Variants in MAP7D3 observed in about 807,000 individuals in gnomAD.
MAP7D3 encodes the protein MAP7 domain containing 3, also known as MAP7 domain-containing protein 3.
A neutral mutation model predicts 62.2 loss-of-function variants in MAP7D3; 45 were observed. That is an observed-to-expected ratio of 0.72 (90% CI 0.57 to 0.93). MAP7D3 has a LOEUF of 0.93. Ranked by LOEUF, MAP7D3 falls within the 40% of genes least tolerant of loss-of-function variation. The pLI is 0.00. For synonymous variants in MAP7D3, 288 were observed against 248.8 expected, an observed-to-expected ratio of 1.16 and a Z score of -1.48; for missense variants, 711 against 683.1, an observed-to-expected ratio of 1.04 and a Z score of -0.45.
chrX:136,228,855 T>C, intron 10 of MAP7D3, 97 bp from the exon 11 acceptor site: 1 of 684,445 alleles, frequency 1.5e-6, no homozygotes, highest in Non-Finnish European at 2.0e-6. Flanking sequence ...AATATATATA[T>C]ATGTGCGTAG....
chrX:136,253,229 G>A (rs991300854), upstream of MAP7D3, among the ~76,000 whole-genome samples: 7 of 112,145 alleles, frequency 6.2e-5, no homozygotes, highest in Non-Finnish European at 1.3e-4. Flanking sequence ...TTATTAATAC[G>A]ACACACATAT....
At chrX:136,240,648 C>CG (rs2074379825) in intron 5 of MAP7D3, among the ~76,000 whole-genome samples, 162 bp from the exon 6 acceptor site, 1 of 111,094 alleles carries the variant, frequency 9.0e-6, no homozygotes, top group African/African-American at 3.3e-5. Flanking sequence ...TTAGTAGAGA[C>CG]GGGGCTTCAC....
upstream of MAP7D3, among the ~76,000 whole-genome samples, chrX:136,254,750 GT>G (rs1233734663): frequency 9.0e-6 from 1 of 111,721 alleles, no homozygotes; most frequent in African/African-American, 3.3e-5. Flanking sequence ...GAGTAACCAC[GT>G]CTTAATTCCA....
chrX:136,214,579 T>C (rs1001793394), downstream of MAP7D3: 1 of 111,752 alleles, frequency 8.9e-6, no homozygotes, highest in Non-Finnish European at 1.9e-5. Context: ...GGAACAGGGA[T>C]CAGAGAAGAG....
Position 136,219,415 on chromosome X carries a change from G to A in MAP7D3, c.*15C>T, listed in dbSNP as rs201927581. On this transcript the variant is annotated 3_prime_UTR_variant, in exon 18 of 19. Transcript: ENST00000316077. ...GGACTTACCCAAATGAGGAGAAACA[G>A]GTTTGCTTCTTCTCTTATTGTCTAA... 5.0e-5 allele frequency: 58 copies of A among 1,164,433 alleles called. No individual in the cohort carries two copies. The highest frequency in any genetic ancestry group is 6.6e-5 in the Non-Finnish European group (57 of 857,914).
At chrX:136,243,218 G>C (rs1190633010) in intron 4 of MAP7D3, among the ~76,000 whole-genome samples, 3 of 111,456 alleles carry the variant, frequency 2.7e-5, no homozygotes, top group African/African-American at 9.8e-5. Flanking sequence ...AAATATTAGA[G>C]TGACAGAAAA....
intron 4 of MAP7D3, among the ~76,000 whole-genome samples, chrX:136,242,753 A>C (rs2074403384): frequency 1.8e-5 from 2 of 111,441 alleles, no homozygotes; most frequent in Admixed American, 9.6e-5. Context: ...CACTCACTCT[A>C]CACACAGTTT....
At chrX:136,230,222 G>C (rs767964735) in intron 10 of MAP7D3, among the ~76,000 whole-genome samples, 163 bp downstream of exon 10, 80 of 109,735 alleles carry the variant, frequency 7.3e-4, no homozygotes, top group African/African-American at 2.6e-3. Flanking sequence ...AAACAGAGAA[G>C]ATACATTCCA....
chrX:136,251,456 G>A (rs1347665864), upstream of MAP7D3: 8 of 740,855 alleles, frequency 1.1e-5, no homozygotes, highest in Non-Finnish European at 1.3e-5. Context: ...CGGTGGGCGG[G>A]GCGGGGCGGG....
chrX:136,221,065 C>T (rs1489017618), intron 15 of MAP7D3, 102 bp from the exon 16 acceptor site: 1 of 604,953 alleles, frequency 1.7e-6, no homozygotes, highest in Admixed American at 2.7e-5. Context: ...GTACTGCCTG[C>T]CTGAAGGCAG....
chrX:136,228,492 G>T, intron 11 of MAP7D3, 131 bp downstream of exon 11: 1 of 610,522 alleles, frequency 1.6e-6, no homozygotes, highest in Non-Finnish European at 2.5e-6. Flanking sequence ...AGGCAATGAG[G>T]CACTTCTGAT....
At chrX:136,253,922 C>G (rs1054360058), upstream of MAP7D3, among the ~76,000 whole-genome samples, 1 of 109,128 alleles carries the variant, frequency 9.2e-6, no homozygotes, top group East Asian at 3.0e-4. Context: ...GCAAGAGAAT[C>G]GCTTGAACCC....
chrX:136,243,781 G>A (rs989531558), intron 4 of MAP7D3, among the ~76,000 whole-genome samples: 3 of 111,042 alleles, frequency 2.7e-5, no homozygotes, highest in Non-Finnish European at 3.8e-5. Flanking sequence ...CAGCGACCAC[G>A]CTAGATTCAG....
Position 136,240,442 on chromosome X carries a change from A to G in MAP7D3, c.580T>C (p.Ser194Pro), listed in dbSNP as rs1224088547. 1 of 1,205,354 alleles carries G rather than the reference A, an allele frequency of 8.3e-7. No homozygotes were observed. The highest frequency in any genetic ancestry group is 1.1e-6 in the Non-Finnish European group (1 of 891,187). ...ASTEKLEQGT[S>P]ALIRQMPLSS... ...AAAGGCATTTGTCTGATTAAAGCAG[A>G]AGTACCCTGTTCAAGTTTTTCAGTA... Residue 194 changes from serine to proline, a missense_variant, in exon 6 of 19, where the codon TCT (serine) becomes CCT (proline). Coordinates refer to ENST00000316077, the MANE Select transcript of MAP7D3 (RefSeq NM_024597.4).
chrX:136,230,683 A>T, intron 9 of MAP7D3, 90 bp from the exon 10 acceptor site: 1 of 885,186 alleles, frequency 1.1e-6, no homozygotes, highest in Non-Finnish European at 1.6e-6. Flanking sequence ...CATTATAATC[A>T]GGGAATTTTT....
intron 1 of MAP7D3, among the ~76,000 whole-genome samples, chrX:136,248,272 G>A (rs1281587577): frequency 5.4e-5 from 6 of 112,090 alleles, no homozygotes; most frequent in South Asian, 3.7e-4. Context: ...ATAATGAACC[G>A]AATCATATAA....
At chrX:136,256,240 C>G, upstream of MAP7D3, 1 of 1,151,509 alleles carries the variant, frequency 8.7e-7, no homozygotes, top group Non-Finnish European at 1.1e-6. Flanking sequence ...CTTGCCAAAT[C>G]TACTCACATT....
In MAP7D3 at chrX:136,221,500, T is replaced by A. The variant is rs772224333; in HGVS notation, c.2288-537A>T. 1.2e-3 allele frequency among the ~76,000 whole-genome samples: 136 copies of A among 111,408 alleles called. 1 individual carries two copies. The highest frequency in any genetic ancestry group is 4.0e-3 in the African/African-American group (121 of 30,632). Reference sequence around the variant, plus strand: ...GCCACCACGCCTGGCTAATTTTTTGTATTTTTAGTAGAGACGGGGTTTCAC... The same window carrying A: ...GCCACCACGCCTGGCTAATTTTTTGAATTTTTAGTAGAGACGGGGTTTCAC... On this transcript the variant is annotated intron_variant, in intron 15 of 18. Transcript: ENST00000316077.
chrX:136,251,072 G>C lies in MAP7D3; in HGVS notation c.70+217C>G, dbSNP rs769209299. ...CGACCGTTGGCGGCGGGACTCAGGC[G>C]GCTCGCGGCGTCGGCTGACAATTTC... On this transcript the variant is annotated intron_variant, in intron 1 of 18. Transcript: ENST00000316077. 2.7e-5 allele frequency among the ~76,000 whole-genome samples: 3 copies of C among 112,649 alleles called. No homozygotes were observed. In the East Asian group the frequency reaches 8.6e-4, roughly 32 times the overall value.
Sources: allele counts gnomAD v4.1 joint callset (sites outside exome capture counted in the v4.1 genomes callset), GRCh38; gene constraint gnomAD v4.1.1; transcripts MANE v1.5; gene names NCBI Gene and HGNC (gene_info 2026-07-23, HGNC 2026-07-21).